The following TSPAN5 variants were observed in gnomAD, a reference collection of about 807,000 sequenced individuals.
TSPAN5 encodes the protein tetraspanin-5.
TSPAN5 carries 10 observed loss-of-function variants against 37.1 expected under a neutral mutation model. That is an observed-to-expected ratio of 0.27 (90% confidence interval 0.17 to 0.46). The LOEUF (loss-of-function observed/expected upper bound fraction) is 0.46, where lower values mean the gene tolerates loss of function less well. TSPAN5 is among the 20% of genes least tolerant of loss of function. TSPAN5 has a pLI of 1.00. For missense variants in TSPAN5, 195 were observed against 326.6 expected, an observed-to-expected ratio of 0.60 and a Z score of 3.11; for synonymous variants, 110 against 118.9, an observed-to-expected ratio of 0.93 and a Z score of 0.48.
chr4:98,564,357 A>T (rs1380068734), intron 1 of TSPAN5, among the ~76,000 whole-genome samples: 1 of 152,256 alleles, frequency 6.6e-6, no homozygotes, highest in Non-Finnish European at 1.5e-5. Flanking sequence ...TCACATGAAT[A>T]ACAACATAGC....
intron 1 of TSPAN5, among the ~76,000 whole-genome samples, chr4:98,618,744 C>T (rs549268964): frequency 6.6e-6 from 1 of 152,248 alleles, no homozygotes; most frequent in South Asian, 2.1e-4. Flanking sequence ...GGAGCAAAAA[C>T]TAAAACTGCA....
At chr4:98,501,883 A>G (rs1391452981) in intron 2 of TSPAN5, among the ~76,000 whole-genome samples, 1 of 152,226 alleles carries the variant, frequency 6.6e-6, no homozygotes, top group African/African-American at 2.4e-5. Context: ...AGACAGCCCT[A>G]GGGTGAGGGT....
intron 1 of TSPAN5, among the ~76,000 whole-genome samples, chr4:98,529,637 T>A (rs1754038119): frequency 6.6e-6 from 1 of 152,166 alleles, no homozygotes. Flanking sequence ...AAAACCCCAA[T>A]TCAAACCCAG....
intron 3 of TSPAN5, chr4:98,482,926 G>A (rs1012990241): frequency 6.6e-6 from 1 of 152,102 alleles, no homozygotes; most frequent in Non-Finnish European, 1.5e-5. Flanking sequence ...GACAACAGGG[G>A]TTTTAAAAGA....
At chr4:98,527,290 T>C (rs1753982863) in intron 1 of TSPAN5, among the ~76,000 whole-genome samples, 1 of 152,192 alleles carries the variant, frequency 6.6e-6, no homozygotes. Flanking sequence ...ATATTAATCT[T>C]GCACCTTCAA....
intron 7 of TSPAN5, among the ~76,000 whole-genome samples, chr4:98,473,476 G>A (rs532232020): frequency 6.4e-5 from 9 of 140,426 alleles, no homozygotes; most frequent in East Asian, 2.1e-4. Context: ...TTTTTGAGAC[G>A]GAGTCTCGCT....
At chr4:98,629,583 T>C (rs990157974) in intron 1 of TSPAN5, among the ~76,000 whole-genome samples, 19 of 152,230 alleles carry the variant, frequency 1.2e-4, no homozygotes, top group African/African-American at 3.4e-4. Flanking sequence ...TAATTTAAGT[T>C]GCTGCTAAAT....
At chr4:98,627,822 T>C (rs975316566) in intron 1 of TSPAN5, among the ~76,000 whole-genome samples, 1 of 152,082 alleles carries the variant, frequency 6.6e-6, no homozygotes, top group African/African-American at 2.4e-5. Context: ...AAAAAGTAAA[T>C]CTTTGGACTG....
chr4:98,653,187 TATC>T (rs1290586405), intron 1 of TSPAN5, among the ~76,000 whole-genome samples: 1 of 152,210 alleles, frequency 6.6e-6, no homozygotes, highest in African/African-American at 2.4e-5. Context: ...ACTGCTGATG[TATC>T]ATCATTCCAG....
At chr4:98,474,306 G>A (rs981815067) in intron 7 of TSPAN5, among the ~76,000 whole-genome samples, 9 of 152,100 alleles carry the variant, frequency 5.9e-5, no homozygotes, top group African/African-American at 2.2e-4. Flanking sequence ...CCTATTGAAT[G>A]GTTTTGGTTC....
intron 1 of TSPAN5, among the ~76,000 whole-genome samples, chr4:98,627,657 A>C (rs935759731): frequency 6.6e-6 from 1 of 152,210 alleles, no homozygotes; most frequent in Non-Finnish European, 1.5e-5. Flanking sequence ...CCTGGATTTC[A>C]GTGGGAACAC....
intron 1 of TSPAN5, among the ~76,000 whole-genome samples, chr4:98,566,472 C>T (rs898215813): frequency 4.6e-5 from 7 of 152,228 alleles, no homozygotes; most frequent in Admixed American, 6.5e-5. Flanking sequence ...CTGACAACCT[C>T]GAGAATAATA....
intron 1 of TSPAN5, among the ~76,000 whole-genome samples, chr4:98,541,020 C>T (rs2110141115): frequency 6.6e-6 from 1 of 152,312 alleles, no homozygotes; most frequent in African/African-American, 2.4e-5. Flanking sequence ...GGCTTGTGTC[C>T]TGGTTCCATT....
At chr4:98,635,690 T>C (rs912296528) in intron 1 of TSPAN5, among the ~76,000 whole-genome samples, 1 of 152,166 alleles carries the variant, frequency 6.6e-6, no homozygotes, top group Non-Finnish European at 1.5e-5. Flanking sequence ...CCCAGAGCCA[T>C]TCAAACTGAA....
At position 98,491,685 on chromosome 4, in the gene TSPAN5, TAA is replaced by T. The variant is rs33967393; in HGVS notation, c.133-4803_133-4802del. ...CCTGGTGACAGAGCAAGACTCTGTC[TAA>T]AAAAAAAAAAAAAGGTGGGGGGGAA... On this transcript the variant is annotated intron_variant, in intron 2 of 7. Transcript: ENST00000305798. Among the ~76,000 whole-genome samples, 490 of 138,932 alleles carry T rather than the reference TAA, an allele frequency of 3.5e-3. 3 individuals carry two copies. The highest frequency in any genetic ancestry group is 6.2e-3 in the African/African-American group (233 of 37,470). 91.1% of individuals were successfully genotyped at this position (138,932 alleles called of 152,430 possible). A position where few individuals can be genotyped will look rare whatever the true frequency, so the allele number is the denominator to read the frequency against.
chr4:98,650,638 T>G (rs998083402), intron 1 of TSPAN5, among the ~76,000 whole-genome samples: 6 of 152,212 alleles, frequency 3.9e-5, no homozygotes, highest in African/African-American at 9.6e-5. Context: ...GAATTACAGA[T>G]GTACATGTGT....
chr4:98,599,219 T>C (rs1369717234), intron 1 of TSPAN5, among the ~76,000 whole-genome samples: 2 of 152,136 alleles, frequency 1.3e-5, no homozygotes, highest in African/African-American at 4.8e-5. Flanking sequence ...TAGCTCACTG[T>C]AGCCTCCAAC....
At chr4:98,610,630 G>A (rs1031291431) in intron 1 of TSPAN5, among the ~76,000 whole-genome samples, 2 of 152,188 alleles carry the variant, frequency 1.3e-5, no homozygotes, top group African/African-American at 4.8e-5. Flanking sequence ...TCTGTCGAGT[G>A]AATGAACTGG....
intron 1 of TSPAN5, among the ~76,000 whole-genome samples, chr4:98,574,084 C>T (rs1755182328): frequency 1.3e-5 from 2 of 152,164 alleles, no homozygotes; most frequent in South Asian, 4.1e-4. Flanking sequence ...CCCATTTGGC[C>T]TGGGAAAGTA....
Sources: gnomAD v4.1 joint callset for allele counts (sites outside exome capture counted in the v4.1 genomes callset) on GRCh38, gnomAD v4.1.1 for gene constraint, MANE v1.5 for transcripts, NCBI Gene and HGNC (gene_info 2026-07-23, HGNC 2026-07-21) for gene names.